Variants in SNAP47 observed in about 807,000 individuals in gnomAD.
SNAP47 encodes synaptosome associated protein 47.
In SNAP47, 20 loss-of-function variants were observed where a neutral mutation model predicts 31.4. The observed-to-expected ratio is 0.64, with a 90% CI of 0.45 to 0.93. SNAP47 has a LOEUF of 0.93. Ranked by LOEUF, SNAP47 falls within the 40% of genes least tolerant of loss-of-function variation. The pLI is 0.00. For synonymous variants in SNAP47, 194 were observed against 213.4 expected (o/e 0.91, Z 0.79); for missense variants, 492 against 528.5 (o/e 0.93, Z 0.68).
At chr1:227,733,563 T>C, upstream of SNAP47, 2 of 1,606,618 alleles carry the variant, frequency 1.2e-6, no homozygotes, top group African/African-American at 2.7e-5. Context: ...TAGGGCAGGT[T>C]GCCGTGGCGG....
intron 1 of SNAP47, chr1:227,746,466 G>T (rs982493192): frequency 1.3e-5 from 2 of 152,330 alleles, no homozygotes; most frequent in Non-Finnish European, 2.9e-5. Flanking sequence ...ATGCAGGTGT[G>T]GCTTTTCAGT....
intron 4 of SNAP47, among the ~76,000 whole-genome samples, chr1:227,768,807 C>A (rs536985514): frequency 6.6e-6 from 1 of 152,342 alleles, no homozygotes; most frequent in Non-Finnish European, 1.5e-5. Flanking sequence ...CTTTCCCAGC[C>A]ATCCTCCTGA....
intron 4 of SNAP47, among the ~76,000 whole-genome samples, chr1:227,772,811 C>T (rs1006908500): frequency 6.6e-6 from 1 of 152,206 alleles, no homozygotes; most frequent in Non-Finnish European, 1.5e-5. Flanking sequence ...ATCTGGTAAA[C>T]CAGCTGTTCT....
intron 2 of SNAP47, among the ~76,000 whole-genome samples, chr1:227,749,982 T>TA (rs1411063919): frequency 9.9e-5 from 15 of 152,282 alleles, no homozygotes; most frequent in Non-Finnish European, 1.9e-4. Context: ...CACCCACAGC[T>TA]GCAGTGGGCA....
upstream of SNAP47, chr1:227,735,286 G>A (rs772184965): frequency 8.1e-6 from 13 of 1,605,722 alleles, no homozygotes; most frequent in Middle Eastern, 3.3e-4. Flanking sequence ...AGCTCAGCAC[G>A]GGTCGAAGGA....
At chr1:227,758,419 C>T (rs1662824962) in intron 2 of SNAP47, among the ~76,000 whole-genome samples, 1 of 152,200 alleles carries the variant, frequency 6.6e-6, no homozygotes, top group African/African-American at 2.4e-5. Context: ...AGACAGGGTG[C>T]AGAGTGTACT....
At chr1:227,732,475 C>G (rs1660724167), upstream of SNAP47, 1 of 1,613,180 alleles carries the variant, frequency 6.2e-7, no homozygotes, top group African/African-American at 1.3e-5. Context: ...CTGGTGTCCA[C>G]TCTCTGGAAG....
At chr1:227,739,794 C>T (rs1661469506) in intron 1 of SNAP47, among the ~76,000 whole-genome samples, 1 of 152,110 alleles carries the variant, frequency 6.6e-6, no homozygotes, top group Non-Finnish European at 1.5e-5. Flanking sequence ...CTGCAGACAC[C>T]CTTGGGCCCC....
At chr1:227,779,546 TC>T in intron 4 of SNAP47, among the ~76,000 whole-genome samples, 1 of 152,274 alleles carries the variant, frequency 6.6e-6, no homozygotes, top group East Asian at 1.9e-4. Context: ...GAGGGTTCCT[TC>T]TCCTGACCTA....
chr1:227,780,868 C>T lies in SNAP47; in HGVS notation c.*195C>T. 8.5e-6 allele frequency: 6 copies of T among 708,968 alleles called. No homozygotes were observed. The highest frequency in any genetic ancestry group is 3.8e-5 in the South Asian group (2 of 52,862). 43.9% of individuals were successfully genotyped at this position (708,968 alleles called of 1,614,324 possible). A position where few individuals can be genotyped will look rare whatever the true frequency, so the allele number is the denominator to read the frequency against. On this transcript the variant is annotated 3_prime_UTR_variant, in exon 5 of 5. Coordinates refer to ENST00000617596, the MANE Select transcript of SNAP47 (RefSeq NM_053052.4). Reference sequence around the variant, plus strand: ...CCATGCCTGCCTCCCACTTGGCTGTCCCTGCTGCTGGGCAGGACCCGGCCA... The same window carrying T: ...CCATGCCTGCCTCCCACTTGGCTGTTCCTGCTGCTGGGCAGGACCCGGCCA...
chr1:227,748,264 C>T (rs1223691371), intron 2 of SNAP47, 31 bp downstream of exon 2: 1 of 1,518,838 alleles, frequency 6.6e-7, no homozygotes, highest in Admixed American at 2.2e-5. Context: ...TTGCAAGGCA[C>T]ACACAGAGTA....
At chr1:227,734,215 T>C, upstream of SNAP47, 2 of 643,186 alleles carry the variant, frequency 3.1e-6, no homozygotes, top group Non-Finnish European at 5.3e-6. Flanking sequence ...CGGGGCAGTC[T>C]GACTACAATG....
At chr1:227,738,972 C>G (rs977893771) in intron 1 of SNAP47, among the ~76,000 whole-genome samples, 2 of 152,296 alleles carry the variant, frequency 1.3e-5, no homozygotes, top group Middle Eastern at 3.4e-3. Flanking sequence ...GTTTAGTTCG[C>G]TGGTCCGCAG....
intron 4 of SNAP47, among the ~76,000 whole-genome samples, chr1:227,774,864 A>C (rs950750159): frequency 3.9e-5 from 6 of 152,182 alleles, no homozygotes; most frequent in African/African-American, 1.4e-4. Context: ...CGGGTCTCTT[A>C]ATGGGAATCT....
At chr1:227,748,375 A>G (rs1359482781) in intron 2 of SNAP47, 142 bp downstream of exon 2, 3 of 923,550 alleles carry the variant, frequency 3.2e-6, no homozygotes, top group Non-Finnish European at 1.6e-6. Context: ...CCTGCTGTAC[A>G]TGCTTAGTGG....
intron 4 of SNAP47, among the ~76,000 whole-genome samples, chr1:227,775,491 A>G (rs983612982): frequency 2.0e-5 from 3 of 152,178 alleles, no homozygotes; most frequent in Non-Finnish European, 4.4e-5. Context: ...GGCGAGCCAG[A>G]GCAGACATGT....
At chr1:227,733,785 C>G (rs1660845436), upstream of SNAP47, 7 of 1,582,262 alleles carry the variant, frequency 4.4e-6, no homozygotes, top group Admixed American at 1.2e-4. Flanking sequence ...GCCCCTTGGT[C>G]TCAAGGGATG....
intron 3 of SNAP47, chr1:227,759,743 A>G: frequency 1.9e-6 from 1 of 529,246 alleles, no homozygotes. Context: ...GGTTGGTACC[A>G]TGCTTTGGAT....
At chr1:227,758,450 G>T (rs1246887560) in intron 2 of SNAP47, among the ~76,000 whole-genome samples, 2 of 152,228 alleles carry the variant, frequency 1.3e-5, no homozygotes, top group African/African-American at 2.4e-5. Flanking sequence ...GGTGCAGTCG[G>T]CACCAACAGG....
Sources: allele counts gnomAD v4.1 joint callset (sites outside exome capture counted in the v4.1 genomes callset), GRCh38; gene constraint gnomAD v4.1.1; transcripts MANE v1.5; gene names NCBI Gene and HGNC (gene_info 2026-07-23, HGNC 2026-07-21).